RALGPS1: variants seen among roughly 807,000 people sequenced by gnomAD.
RALGPS1 encodes the protein ras-specific guanine nucleotide-releasing factor RalGPS1.
A neutral mutation model predicts 78.8 loss-of-function variants in RALGPS1; 19 were observed. The observed-to-expected ratio is 0.24, with a 90% CI of 0.17 to 0.35. The LOEUF (loss-of-function observed/expected upper bound fraction) is 0.35, where lower values mean the gene tolerates loss of function less well. RALGPS1 is among the 10% of genes least tolerant of loss of function. RALGPS1 has a pLI of 1.00. For synonymous variants in RALGPS1, 228 were observed against 256.3 expected (o/e 0.89, Z 1.06); for missense variants, 454 against 688.3 (o/e 0.66, Z 3.81).
intron 8 of RALGPS1, among the ~76,000 whole-genome samples, chr9:127,159,996 T>C (rs911321244): frequency 7.2e-5 from 11 of 152,106 alleles, no homozygotes; most frequent in South Asian, 4.1e-4. Flanking sequence ...GGTTTTTTTT[T>C]CCCCTCAACA....
At chr9:126,993,268 G>A (rs1361611554) in intron 4 of RALGPS1, among the ~76,000 whole-genome samples, 2 of 152,112 alleles carry the variant, frequency 1.3e-5, no homozygotes, top group African/African-American at 4.8e-5. Flanking sequence ...TATATTGTTG[G>A]ATTTGATTTG....
intron 8 of RALGPS1, among the ~76,000 whole-genome samples, chr9:127,152,098 G>A (rs1360555302): frequency 6.6e-6 from 1 of 151,472 alleles, no homozygotes; most frequent in Non-Finnish European, 1.5e-5. Context: ...GCATCCACCC[G>A]CAGTTTCATC....
chr9:126,916,135 C>T (rs2034132640), intron 1 of RALGPS1, among the ~76,000 whole-genome samples: 1 of 152,118 alleles, frequency 6.6e-6, no homozygotes, highest in South Asian at 2.1e-4. Context: ...TTTCCTTTTT[C>T]TTGTGCCGAT....
At position 127,042,191 on chromosome 9, in the gene RALGPS1, A is replaced by G. The variant is rs922403960; in HGVS notation, c.300+7677A>G. 1.5e-4 allele frequency among the ~76,000 whole-genome samples: 23 copies of G among 151,932 alleles called. 1 individual carries two copies. The highest frequency in any genetic ancestry group is 5.3e-4 in the African/African-American group (22 of 41,332). On this transcript the variant is annotated intron_variant, in intron 5 of 18. Coordinates refer to ENST00000259351, the MANE Select transcript of RALGPS1 (RefSeq NM_014636.3). The stretch of plus-strand genomic sequence containing the variant: ...GTGTCCATAACTATTCTGTTTTTTT[A>G]TAATTCCGCCGTGGCATGTCCCAGA...
At chr9:126,948,984 A>T (rs1439118266) in intron 1 of RALGPS1, among the ~76,000 whole-genome samples, 1 of 150,656 alleles carries the variant, frequency 6.6e-6, no homozygotes, top group Non-Finnish European at 1.5e-5. Flanking sequence ...ACCCCACAAC[A>T]GTCCCCAGAG....
intron 5 of RALGPS1, among the ~76,000 whole-genome samples, chr9:127,044,732 C>CT (rs1029752443): frequency 6.6e-6 from 1 of 152,160 alleles, no homozygotes; most frequent in African/African-American, 2.4e-5. Context: ...TTGCCACACT[C>CT]TCTCTCCTTC....
At chr9:127,062,095 T>G (rs548228130) in intron 7 of RALGPS1, among the ~76,000 whole-genome samples, 7 of 152,304 alleles carry the variant, frequency 4.6e-5, no homozygotes, top group Non-Finnish European at 8.8e-5. Flanking sequence ...TAAGGATTTT[T>G]TTGTTGTTTT....
At chr9:126,917,234 C>G (rs1212125708) in intron 1 of RALGPS1, among the ~76,000 whole-genome samples, 1 of 152,138 alleles carries the variant, frequency 6.6e-6, no homozygotes, top group African/African-American at 2.4e-5. Context: ...AGTTCTCCCA[C>G]TCTGTCTTGG....
chr9:127,126,450 T>C (rs1464644616), intron 8 of RALGPS1, among the ~76,000 whole-genome samples: 1 of 152,202 alleles, frequency 6.6e-6, no homozygotes, highest in Admixed American at 6.5e-5. Context: ...TAGCCATTAT[T>C]TCTTAATTTT....
At chr9:127,210,745 G>A in intron 14 of RALGPS1, 2 of 1,550,678 alleles carry the variant, frequency 1.3e-6, no homozygotes, top group Non-Finnish European at 1.7e-6. Context: ...GTTCCAGTTA[G>A]GAATTCTCCC....
At chr9:127,131,378 A>G (rs544283248) in intron 8 of RALGPS1, among the ~76,000 whole-genome samples, 1 of 152,332 alleles carries the variant, frequency 6.6e-6, no homozygotes, top group Admixed American at 6.5e-5. Flanking sequence ...AGGCCTTTGA[A>G]GCTTGCAAGA....
At chr9:127,188,832 T>TAAAAAAAAAAAA (rs202172226) in intron 11 of RALGPS1, among the ~76,000 whole-genome samples, 13 of 87,466 alleles carry the variant, frequency 1.5e-4, no homozygotes, top group African/African-American at 5.6e-4. Flanking sequence ...CCATCTCTAC[T>TAAAAAAAAAAAA]AAAAAAAAAA....
chr9:127,161,412 T>C (rs1262076486), intron 8 of RALGPS1, among the ~76,000 whole-genome samples: 1 of 152,228 alleles, frequency 6.6e-6, no homozygotes, highest in Non-Finnish European at 1.5e-5. Flanking sequence ...GTAAAAAGGC[T>C]TGCCTAAGGC....
Position 127,219,062 on chromosome 9 carries a change from C to A in RALGPS1, c.*293C>A, listed in dbSNP as rs559249669. On this transcript the variant is annotated 3_prime_UTR_variant, in exon 19 of 19. Transcript: ENST00000259351. The surrounding 1 kb of genome is among the most constrained non-coding windows in gnomAD (Gnocchi z 5.0). ...ACCACCTGCATCTGCGACTAGAGAG[C>A]ACCCGGCCCACGTTGGGTTCTCAGT... 1.9e-5 allele frequency: 9 copies of A among 485,254 alleles called. No individual in the cohort carries two copies. The highest frequency in any genetic ancestry group is 1.6e-4 in the African/African-American group (8 of 51,246). The allele number at this position is 485,254 out of a possible 1,614,324, so 30.1% of individuals were successfully genotyped here.
chr9:127,042,810 G>T (rs952571454), intron 5 of RALGPS1, among the ~76,000 whole-genome samples: 4 of 152,172 alleles, frequency 2.6e-5, no homozygotes, highest in African/African-American at 9.7e-5. Flanking sequence ...GAACTAAGAA[G>T]TGAGTAAGCA....
At chr9:127,179,582 A>T (rs925512919) in intron 11 of RALGPS1, among the ~76,000 whole-genome samples, 1 of 152,202 alleles carries the variant, frequency 6.6e-6, no homozygotes, top group African/African-American at 2.4e-5. Flanking sequence ...GCCCTAAGAC[A>T]TGTTCATTCA....
chr9:127,176,155 A>G (rs1301586639), intron 11 of RALGPS1, among the ~76,000 whole-genome samples: 2 of 152,138 alleles, frequency 1.3e-5, no homozygotes, highest in East Asian at 3.8e-4. Flanking sequence ...GCTATTGTCT[A>G]TACCTCAAGA....
chr9:127,163,947 T>G (rs1393665231), intron 8 of RALGPS1, among the ~76,000 whole-genome samples: 1 of 152,240 alleles, frequency 6.6e-6, no homozygotes. Context: ...AGTTTTGATA[T>G]GTAGTATTCT....
chr9:127,199,197 A>C (rs2061492630), intron 14 of RALGPS1, 131 bp downstream of exon 14: 1 of 868,734 alleles, frequency 1.2e-6, no homozygotes, highest in Non-Finnish European at 1.9e-6. Context: ...CTCCTTCAGC[A>C]GACTGGCTGG....
Sources: allele counts gnomAD v4.1 joint callset (sites outside exome capture counted in the v4.1 genomes callset), GRCh38; gene constraint gnomAD v4.1.1; non-coding constraint Gnocchi (gnomAD v3.1); transcripts MANE v1.5; gene names NCBI Gene and HGNC (gene_info 2026-07-23, HGNC 2026-07-21).